Variants in DCDC2 observed in about 807,000 individuals in gnomAD.
The protein encoded by DCDC2 is doublecortin domain containing 2.
A neutral mutation model predicts 50.2 loss-of-function variants in DCDC2; 40 were observed. The ratio of observed to expected loss-of-function variants is 0.80; its 90% CI spans 0.62 to 1.04. DCDC2 has a LOEUF of 1.04. DCDC2 is among the 50% of genes least tolerant of loss of function. The pLI is 0.00. For missense variants in DCDC2, 570 were observed against 581.9 expected (o/e 0.98, Z 0.21); for synonymous variants, 234 against 210.6 (o/e 1.11, Z -0.96).
rs992508217 is a variant in DCDC2, at chr6:24,354,413, C to T, written c.294-790G>A. 1.1e-4 allele frequency among the ~76,000 whole-genome samples: 17 copies of T among 152,250 alleles called. 1 individual carries two copies. Among genetic ancestry groups the T allele is most frequent in the Middle Eastern group, 6.8e-3 (2 of 294 alleles). On this transcript the variant is annotated intron_variant, in intron 1 of 9. Transcript: ENST00000378454. Reference sequence around the variant, plus strand: ...ATGATAGATCAATCCTTTACCCCAACTACTACAATTGCCAACTTGTCCCAA... The same window carrying T: ...ATGATAGATCAATCCTTTACCCCAATTACTACAATTGCCAACTTGTCCCAA...
intron 7 of DCDC2, among the ~76,000 whole-genome samples, chr6:24,237,126 C>T (rs1461399055): frequency 6.6e-6 from 1 of 151,662 alleles, no homozygotes; most frequent in Non-Finnish European, 1.5e-5. Context: ...TAGAGAAATG[C>T]CATCAAAACC....
intron 7 of DCDC2, among the ~76,000 whole-genome samples, chr6:24,273,886 C>T (rs1422809026): frequency 6.6e-6 from 1 of 152,152 alleles, no homozygotes; most frequent in Non-Finnish European, 1.5e-5. Flanking sequence ...ATCCTTCTGC[C>T]GGCACCACAC....
intron 7 of DCDC2, among the ~76,000 whole-genome samples, chr6:24,256,776 A>G (rs191003092): frequency 1.6e-4 from 24 of 152,312 alleles, no homozygotes; most frequent in Admixed American, 7.2e-4. Context: ...GGAAAATCCG[A>G]TATCATGTAG....
At chr6:24,296,679 A>G (rs764222594) in intron 4 of DCDC2, among the ~76,000 whole-genome samples, 4 of 152,246 alleles carry the variant, frequency 2.6e-5, no homozygotes, top group Non-Finnish European at 5.9e-5. Flanking sequence ...TTTCAAAAGA[A>G]GACATACTTG....
At chr6:24,208,875 G>C (rs994871181) in intron 7 of DCDC2, among the ~76,000 whole-genome samples, 1 of 152,116 alleles carries the variant, frequency 6.6e-6, no homozygotes, top group Non-Finnish European at 1.5e-5. Context: ...ACAATACAAA[G>C]CATTATATAA....
At chr6:24,258,658 G>C (rs929682311) in intron 7 of DCDC2, among the ~76,000 whole-genome samples, 5 of 152,184 alleles carry the variant, frequency 3.3e-5, no homozygotes, top group Non-Finnish European at 7.3e-5. Context: ...GTTGAATCCT[G>C]AGTCACTCAC....
At chr6:24,306,176 T>C (rs1759469346) in intron 2 of DCDC2, among the ~76,000 whole-genome samples, 2 of 152,072 alleles carry the variant, frequency 1.3e-5, no homozygotes, top group South Asian at 4.2e-4. Flanking sequence ...AGGGATGGAG[T>C]TCACTGGTGA....
chr6:24,336,959 T>C (rs1016760754), intron 2 of DCDC2, among the ~76,000 whole-genome samples: 1 of 152,206 alleles, frequency 6.6e-6, no homozygotes, highest in African/African-American at 2.4e-5. Context: ...ACATTTTAGA[T>C]AAGGAACATG....
chr6:24,378,956 GAAAAAAAAA>G, the DCDC2 span, among the ~76,000 whole-genome samples: 182 of 67,434 alleles, frequency 2.7e-3, 4 homozygotes, highest in Admixed American at 0.025. Context: ...GTCTCATTTG[GAAAAAAAAA>G]AAAAAAAAAA....
chr6:24,367,376 T>C, the DCDC2 span, among the ~76,000 whole-genome samples: 5 of 152,324 alleles, frequency 3.3e-5, no homozygotes, highest in Middle Eastern at 3.4e-3. Context: ...AAGTTCCCCA[T>C]GCAAATATGG....
intron 8 of DCDC2, among the ~76,000 whole-genome samples, chr6:24,179,547 C>CAAAAAAA (rs56731018): frequency 2.6e-4 from 13 of 49,598 alleles, no homozygotes; most frequent in Admixed American, 3.6e-4. Flanking sequence ...GACACCATCT[C>CAAAAAAA]AAAAAAAAAA....
the DCDC2 span, among the ~76,000 whole-genome samples, chr6:24,367,157 T>A: frequency 6.6e-6 from 1 of 152,198 alleles, no homozygotes; most frequent in Non-Finnish European, 1.5e-5. Flanking sequence ...CCTTTTTAAA[T>A]GCATTGCCAA....
chr6:24,176,295 CA>C lies in DCDC2; in HGVS notation c.1327-1462del, dbSNP rs573726491. On this transcript the variant is annotated intron_variant, in intron 9 of 9. Coordinates refer to ENST00000378454, the MANE Select transcript of DCDC2 (RefSeq NM_016356.5). ...TGGGTAGCAGAGTGAGACCTTGTCA[CA>C]AAAAAAAAGTCCCTAATTAGATGTT... Among the ~76,000 whole-genome samples the C allele has an allele frequency of 8.1e-3, 1,157 of 143,372 alleles. 9 individuals carry two copies. Among genetic ancestry groups the C allele is most frequent in the African/African-American group, 0.027 (1,045 of 39,254 alleles). 94.1% of individuals were successfully genotyped at this position (143,372 alleles called of 152,430 possible). A position where few individuals can be genotyped will look rare whatever the true frequency, so the allele number is the denominator to read the frequency against.
chr6:24,243,054 C>T (rs1370766283), intron 7 of DCDC2, among the ~76,000 whole-genome samples: 1 of 152,136 alleles, frequency 6.6e-6, no homozygotes, highest in East Asian at 1.9e-4. Context: ...CCAGTCAAGA[C>T]AGCTTGGGAG....
At chr6:24,320,854 C>T (rs1759761378) in intron 2 of DCDC2, among the ~76,000 whole-genome samples, 1 of 151,386 alleles carries the variant, frequency 6.6e-6, no homozygotes, top group South Asian at 2.1e-4. Context: ...ATAAAAGGGA[C>T]TAGAGATCCT....
chr6:24,283,378 G>A (rs1404852773), intron 6 of DCDC2, among the ~76,000 whole-genome samples: 1 of 152,174 alleles, frequency 6.6e-6, no homozygotes, highest in Admixed American at 6.5e-5. Flanking sequence ...CAGGCTCCCT[G>A]ACCAACTCAG....
intron 7 of DCDC2, among the ~76,000 whole-genome samples, chr6:24,215,399 T>C (rs1192193323): frequency 6.6e-6 from 1 of 152,134 alleles, no homozygotes; most frequent in Admixed American, 6.5e-5. Context: ...TAAGGGACTT[T>C]AAGCATGGAG....
intron 7 of DCDC2, among the ~76,000 whole-genome samples, chr6:24,252,094 A>G (rs191793822): frequency 8.5e-5 from 13 of 152,310 alleles, no homozygotes; most frequent in Non-Finnish European, 8.8e-5. Context: ...TACAAACACA[A>G]AGTAGTTAAG....
In DCDC2 at chr6:24,300,438, C is replaced by A. The variant is rs569063703; in HGVS notation, c.557+1277G>T. Among the ~76,000 whole-genome samples the A allele has an allele frequency of 2.6e-5, 4 of 152,212 alleles. No homozygotes were observed. In the East Asian group the frequency reaches 7.7e-4, roughly 29 times the overall value. ...ATGCTTGCACATGCATAGAATATTT[C>A]CGGGATGATGCTGAAAAGTACTAGG... On this transcript the variant is annotated intron_variant, in intron 4 of 9. Transcript: ENST00000378454.
Sources: gnomAD v4.1 joint callset for allele counts (sites outside exome capture counted in the v4.1 genomes callset) on GRCh38, gnomAD v4.1.1 for gene constraint, MANE v1.5 for transcripts, NCBI Gene and HGNC (gene_info 2026-07-23, HGNC 2026-07-21) for gene names.